Variants in PDZRN3 observed in about 807,000 individuals in gnomAD.
PDZRN3 encodes E3 ubiquitin-protein ligase PDZRN3.
A neutral mutation model predicts 85.7 loss-of-function variants in PDZRN3; 38 were observed. The ratio of observed to expected loss-of-function variants is 0.44; its 90% CI spans 0.34 to 0.58. The LOEUF is 0.58. Ranked by LOEUF, PDZRN3 falls within the 20% of genes least tolerant of loss-of-function variation. The probability of loss-of-function intolerance (pLI) is 0.01; values close to 1 mark genes in which losing one functional copy is unlikely to be tolerated. For synonymous variants in PDZRN3, 759 were observed against 638.0 expected (o/e 1.19, Z -2.86); for missense variants, 1,629 against 1,506.4 (o/e 1.08, Z -1.35).
At chr3:73,538,324 G>A (rs2106773475) in intron 3 of PDZRN3, among the ~76,000 whole-genome samples, 1 of 152,330 alleles carries the variant, frequency 6.6e-6, no homozygotes, top group East Asian at 1.9e-4. Context: ...TAAGTACACT[G>A]TGGTTGTCTC....
At chr3:73,527,645 T>C (rs1704555192) in intron 3 of PDZRN3, among the ~76,000 whole-genome samples, 2 of 152,164 alleles carry the variant, frequency 1.3e-5, no homozygotes, top group Non-Finnish European at 2.9e-5. Context: ...ATGAATAAAG[T>C]TGTTTCAGGG....
chr3:73,512,363 C>T (rs79260390), intron 3 of PDZRN3, among the ~76,000 whole-genome samples: 2,513 of 152,344 alleles, frequency 0.016, 71 homozygotes, highest in African/African-American at 0.055. Context: ...CAATAAAACA[C>T]TCTTCAACCA....
intron 3 of PDZRN3, among the ~76,000 whole-genome samples, chr3:73,602,105 A>AT (rs1001342993): frequency 9.8e-5 from 15 of 152,316 alleles, no homozygotes; most frequent in African/African-American, 3.6e-4. Context: ...TACGAAACAG[A>AT]TTGAGGTCCA....
intron 3 of PDZRN3, among the ~76,000 whole-genome samples, chr3:73,550,647 G>T (rs557601792): frequency 6.6e-6 from 1 of 152,188 alleles, no homozygotes; most frequent in African/African-American, 2.4e-5. Context: ...TACTATTATT[G>T]ATTAAATGCT....
At chr3:73,492,755 A>G (rs573060553) in intron 3 of PDZRN3, among the ~76,000 whole-genome samples, 1 of 152,304 alleles carries the variant, frequency 6.6e-6, no homozygotes, top group South Asian at 2.1e-4. Flanking sequence ...TGTGTATTTC[A>G]AAATGGCTAG....
At chr3:73,392,917 T>TA (rs1383518646) in intron 5 of PDZRN3, among the ~76,000 whole-genome samples, 2 of 152,120 alleles carry the variant, frequency 1.3e-5, no homozygotes, top group Non-Finnish European at 2.9e-5. Flanking sequence ...ACAAATATAC[T>TA]AGTCATACAT....
At chr3:73,427,813 G>A (rs756693215) in intron 3 of PDZRN3, among the ~76,000 whole-genome samples, 3 of 152,330 alleles carry the variant, frequency 2.0e-5, no homozygotes, top group East Asian at 1.9e-4. Context: ...CACAGAGAAC[G>A]ATGCAAAGTC....
At chr3:73,576,946 A>C (rs1486038402) in intron 3 of PDZRN3, among the ~76,000 whole-genome samples, 6 of 152,206 alleles carry the variant, frequency 3.9e-5, no homozygotes, top group African/African-American at 9.7e-5. Context: ...CTTATTTTCA[A>C]TGCTTCTATT....
chr3:73,584,452 GGTGTGTGTGTGT>G lies in PDZRN3; in HGVS notation c.918+17890_918+17901del, dbSNP rs56393203. On this transcript the variant is annotated intron_variant, in intron 3 of 9. Coordinates refer to ENST00000263666, the MANE Select transcript of PDZRN3 (RefSeq NM_015009.3). ...CAAGTTAAGTGGTGCTTCATTTAATGGTGTGTGTGTGTGTGTGTGTGTGTGTGTGTGTGTGTG... is the reference window on the plus strand; with the variant it reads ...CAAGTTAAGTGGTGCTTCATTTAATGGTGTGTGTGTGTGTGTGTGTGTGTG... Among the ~76,000 whole-genome samples the G allele has an allele frequency of 6.8e-3, 570 of 83,980 alleles. 1 individual carries two copies. Among genetic ancestry groups the G allele is most frequent in the Middle Eastern group, 0.022 (3 of 136 alleles). 55.1% of individuals were successfully genotyped at this position (83,980 alleles called of 152,430 possible).
At chr3:73,623,837 A>G (rs13321679) in intron 1 of PDZRN3, 12,255 of 367,258 alleles carry the variant, frequency 0.033, 942 homozygotes, top group African/African-American at 0.19. Context: ...CTTGCTTGTG[A>G]ATTCTTTTTC....
At chr3:73,416,865 G>GTTTTTTTTTTGTT (rs1231380594) in intron 3 of PDZRN3, among the ~76,000 whole-genome samples, 1 of 83,014 alleles carries the variant, frequency 1.2e-5, no homozygotes, top group African/African-American at 4.3e-5. Context: ...TTTTTTGTTT[G>GTTTTTTTTTTGTT]TTTTTTTTTG....
chr3:73,563,294 C>T (rs549724851), intron 3 of PDZRN3, among the ~76,000 whole-genome samples: 38 of 151,556 alleles, frequency 2.5e-4, no homozygotes, highest in Admixed American at 1.8e-3. Flanking sequence ...CTCGGCCCCC[C>T]AAAGTGCTGG....
At position 73,602,354 on chromosome 3, in the gene PDZRN3, C is replaced by T. The variant is rs776663890; in HGVS notation, c.918G>A (p.Glu306=). Reference sequence around the variant, plus strand: ...AAGACACTGGCCAGTATTCACATACCTCAATAATCCTGTCATGAATTTGCA... The same window carrying T: ...AAGACACTGGCCAGTATTCACATACTTCAATAATCCTGTCATGAATTTGCA... ...GGLQIHDRII[E]VNGRDLSRAT... Residue 306 remains glutamate (E), a splice_region_variant and synonymous_variant, in exon 3 of 10, where the codon GAG becomes GAA. Coordinates refer to ENST00000263666, the MANE Select transcript of PDZRN3 (RefSeq NM_015009.3). The T allele has an allele frequency of 6.6e-7, 1 of 1,518,094 alleles. No homozygotes were observed. Among genetic ancestry groups the T allele is most frequent in the Non-Finnish European group, 9.2e-7 (1 of 1,092,858 alleles). 94.0% of individuals were successfully genotyped at this position (1,518,094 alleles called of 1,614,324 possible). A position where few individuals can be genotyped will look rare whatever the true frequency, so the allele number is the denominator to read the frequency against.
chr3:73,538,476 A>G (rs978869950), intron 3 of PDZRN3, among the ~76,000 whole-genome samples: 1 of 152,218 alleles, frequency 6.6e-6, no homozygotes, highest in Non-Finnish European at 1.5e-5. Flanking sequence ...CCAATTACAC[A>G]TATTTACCTG....
At position 73,530,881 on chromosome 3, in the gene PDZRN3, G is replaced by A. The variant is rs186605909; in HGVS notation, c.918+71473C>T. 3.3e-5 allele frequency among the ~76,000 whole-genome samples: 5 copies of A among 152,266 alleles called. No homozygotes were observed. The East Asian group carries it at 9.6e-4, about 29-fold the overall frequency. ...TTAGCAGGTTATGAAGATCAGATAA[G>A]GGATAAAGCTCTGAAGAAAACCAGA... On this transcript the variant is annotated intron_variant, in intron 3 of 9. Coordinates refer to ENST00000263666, the MANE Select transcript of PDZRN3 (RefSeq NM_015009.3).
intron 3 of PDZRN3, among the ~76,000 whole-genome samples, chr3:73,573,816 CAT>C (rs1559744523): frequency 2.1e-5 from 1 of 46,680 alleles, no homozygotes; most frequent in South Asian, 4.5e-4. Context: ...TACACCTATA[CAT>C]ATACATATAC....
chr3:73,616,108 A>G (rs1366758687), intron 1 of PDZRN3, among the ~76,000 whole-genome samples: 2 of 152,142 alleles, frequency 1.3e-5, no homozygotes, highest in Admixed American at 6.6e-5. Context: ...CTCTCTCTCC[A>G]TTGCCTCCTT....
chr3:73,383,426 C>T lies in PDZRN3; in HGVS notation c.3140G>A (p.Gly1047Asp). 1.2e-6 allele frequency: 2 copies of T among 1,613,928 alleles called. No individual in the cohort carries two copies. Among genetic ancestry groups the T allele is most frequent in the Non-Finnish European group, 1.7e-6 (2 of 1,179,864 alleles). The part of the protein sequence containing the change: ...WMTIQELLTH[G>D]TKSPDGTRVY... ...TCTAGTGCCGTCCGGGGATTTTGTG[C>T]CGTGGGTTAAGAGTTCTTGGATCGT... Residue 1047 changes from glycine (G) to aspartate (D), a missense_variant, in exon 10 of 10, where the codon GGC becomes GAC. Physicochemically the swap from Gly to Asp is moderately conservative, Grantham distance 94 (BLOSUM62 -1). Transcript: ENST00000263666.
intron 3 of PDZRN3, among the ~76,000 whole-genome samples, chr3:73,529,998 T>C (rs1704616146): frequency 6.6e-6 from 1 of 152,236 alleles, no homozygotes; most frequent in Non-Finnish European, 1.5e-5. Context: ...CCATAAATGT[T>C]AGCTGTCACC....
Sources: allele counts gnomAD v4.1 joint callset (sites outside exome capture counted in the v4.1 genomes callset), GRCh38; gene constraint gnomAD v4.1.1; transcripts MANE v1.5; gene names NCBI Gene and HGNC (gene_info 2026-07-23, HGNC 2026-07-21).